CFAP299: variants seen among roughly 807,000 people sequenced by gnomAD.
CFAP299 encodes cilia and flagella associated protein 299.
A neutral mutation model predicts 27.0 loss-of-function variants in CFAP299; 21 were observed. The ratio of observed to expected loss-of-function variants is 0.78; its 90% CI spans 0.55 to 1.12. The LOEUF (loss-of-function observed/expected upper bound fraction) is 1.12. Among genes scored for constraint, CFAP299 ranks in the 50% most tolerant of loss-of-function variants. The pLI is 0.00. For synonymous variants in CFAP299, 104 were observed against 98.1 expected (o/e 1.06, Z -0.36); for missense variants, 310 against 276.6 (o/e 1.12, Z -0.86).
intron 2 of CFAP299, among the ~76,000 whole-genome samples, chr4:80,398,229 G>A (rs1358238802): frequency 6.6e-6 from 1 of 152,118 alleles, no homozygotes; most frequent in Non-Finnish European, 1.5e-5. Flanking sequence ...TCATGGATAG[G>A]AAGAATCAAT....
At chr4:80,549,662 C>G (rs1372118838) in intron 2 of CFAP299, among the ~76,000 whole-genome samples, 1 of 152,114 alleles carries the variant, frequency 6.6e-6, no homozygotes, top group Admixed American at 6.6e-5. Context: ...GCCCAGACTT[C>G]TACTGAACAT....
In CFAP299 at chr4:80,827,956, T is replaced by C. The variant is rs78432999; in HGVS notation, c.334-42037T>C. On this transcript the variant is annotated intron_variant, in intron 3 of 5. Coordinates refer to ENST00000358105, the MANE Select transcript of CFAP299 (RefSeq NM_152770.3). ...GACAATAGTTTTGTTTATAATAATA[T>C]GAAATAGAATAAAATACTTAGGAAT... 6.1e-3 allele frequency among the ~76,000 whole-genome samples: 928 copies of C among 152,090 alleles called. 7 individuals are homozygous for C. Among genetic ancestry groups the C allele is most frequent in the African/African-American group, 0.021 (862 of 41,530 alleles).
intron 3 of CFAP299, among the ~76,000 whole-genome samples, chr4:80,851,963 T>G (rs772730718): frequency 3.9e-5 from 6 of 152,192 alleles, no homozygotes; most frequent in Non-Finnish European, 5.9e-5. Context: ...ACTAAATGTG[T>G]GTCAGCTTCT....
At chr4:80,556,421 A>G (rs893593225) in intron 2 of CFAP299, among the ~76,000 whole-genome samples, 1 of 152,098 alleles carries the variant, frequency 6.6e-6, no homozygotes, top group African/African-American at 2.4e-5. Flanking sequence ...CAATAATTAT[A>G]TATTACTGAT....
chr4:80,441,973 A>G (rs1728381591), intron 2 of CFAP299, among the ~76,000 whole-genome samples: 2 of 152,200 alleles, frequency 1.3e-5, no homozygotes, highest in African/African-American at 2.4e-5. Context: ...GCATTACATA[A>G]TGGTAAAGGG....
intron 3 of CFAP299, among the ~76,000 whole-genome samples, chr4:80,617,121 T>A (rs1738331651): frequency 1.3e-5 from 2 of 151,928 alleles, no homozygotes; most frequent in South Asian, 4.2e-4. Context: ...AAAAAGAAAA[T>A]GAAGAAAAGA....
chr4:80,777,740 C>A (rs1030037098), intron 3 of CFAP299, among the ~76,000 whole-genome samples: 1 of 152,008 alleles, frequency 6.6e-6, no homozygotes, highest in African/African-American at 2.4e-5. Flanking sequence ...GTGTGACAAT[C>A]CTATTTTGGA....
At chr4:80,362,174 G>A (rs914283564) in intron 1 of CFAP299, among the ~76,000 whole-genome samples, 3 of 148,590 alleles carry the variant, frequency 2.0e-5, no homozygotes, top group African/African-American at 7.4e-5. Context: ...CTACTTTTCT[G>A]TTTTTATTGG....
chr4:80,907,447 A>G (rs1735238865), intron 4 of CFAP299, among the ~76,000 whole-genome samples: 2 of 152,108 alleles, frequency 1.3e-5, no homozygotes, highest in Admixed American at 6.6e-5. Flanking sequence ...AATTTACTAT[A>G]TTAGTCCATT....
intron 3 of CFAP299, among the ~76,000 whole-genome samples, chr4:80,868,406 C>T (rs1033292237): frequency 2.0e-5 from 3 of 152,114 alleles, no homozygotes; most frequent in Non-Finnish European, 4.4e-5. Context: ...TTTTCCCTGG[C>T]GTACTGTTCC....
intron 2 of CFAP299, among the ~76,000 whole-genome samples, chr4:80,419,210 C>T (rs1010283914): frequency 2.2e-5 from 3 of 136,778 alleles, no homozygotes; most frequent in African/African-American, 7.4e-5. Context: ...GCCAAGGGGG[C>T]AACTTAAGAG....
chr4:80,502,592 A>G (rs991054912), intron 2 of CFAP299, among the ~76,000 whole-genome samples: 1 of 152,058 alleles, frequency 6.6e-6, no homozygotes, highest in African/African-American at 2.4e-5. Flanking sequence ...CTTAAGACCA[A>G]TATCTCCTTG....
intron 4 of CFAP299, among the ~76,000 whole-genome samples, chr4:80,943,861 G>T (rs1241431273): frequency 6.6e-6 from 1 of 152,022 alleles, no homozygotes; most frequent in Non-Finnish European, 1.5e-5. Context: ...GAGGTCAAAA[G>T]ATCGAGACCA....
At chr4:80,660,974 G>A (rs1740813005) in intron 3 of CFAP299, among the ~76,000 whole-genome samples, 2 of 152,108 alleles carry the variant, frequency 1.3e-5, no homozygotes, top group Admixed American at 1.3e-4. Flanking sequence ...ATTGTTGCAA[G>A]AGAGAACTTA....
At chr4:80,360,306 A>G (rs2109995637) in intron 1 of CFAP299, among the ~76,000 whole-genome samples, 1 of 152,276 alleles carries the variant, frequency 6.6e-6, no homozygotes, top group South Asian at 2.1e-4. Context: ...ATGCAGCTGG[A>G]GGGGGAGTGA....
Position 80,694,147 on chromosome 4 carries a change from A to C in CFAP299, c.333+110964A>C, listed in dbSNP as rs556448961. ...TTTCTGAAAGTCACATGTGCAGTGC[A>C]TTCTTTGGAATCTTCTTTGTTTGAT... On this transcript the variant is annotated intron_variant, in intron 3 of 5. Coordinates refer to ENST00000358105, the MANE Select transcript of CFAP299 (RefSeq NM_152770.3). Among the ~76,000 whole-genome samples the C allele has an allele frequency of 1.8e-4, 27 of 152,318 alleles. No individual in the cohort carries two copies. In the South Asian group the frequency reaches 5.6e-3, roughly 32 times the overall value.
intron 3 of CFAP299, among the ~76,000 whole-genome samples, chr4:80,683,564 T>G (rs754439250): frequency 2.8e-4 from 42 of 152,318 alleles, no homozygotes; most frequent in Non-Finnish European, 4.7e-4. Flanking sequence ...AAATATCTCT[T>G]GCACATATTT....
At chr4:80,628,818 G>A (rs4693532) in intron 3 of CFAP299, among the ~76,000 whole-genome samples, 21,796 of 152,114 alleles carry the variant, frequency 0.14, 1,950 homozygotes, top group Middle Eastern at 0.26. Context: ...CAAGATAAAA[G>A]ATAAGTGTTG....
intron 4 of CFAP299, among the ~76,000 whole-genome samples, chr4:80,902,424 T>C (rs1316061902): frequency 9.6e-6 from 1 of 103,648 alleles, no homozygotes; most frequent in African/African-American, 7.1e-5. Context: ...TATAATATGT[T>C]TATATATGTA....
Sources: gnomAD v4.1 joint callset for allele counts (sites outside exome capture counted in the v4.1 genomes callset) on GRCh38, gnomAD v4.1.1 for gene constraint, MANE v1.5 for transcripts, NCBI Gene and HGNC (gene_info 2026-07-23, HGNC 2026-07-21) for gene names.